Variants in CUX1 observed in about 807,000 individuals in gnomAD.
The protein encoded by CUX1 is protein CASP.
CUX1 carries 31 observed loss-of-function variants against 158.8 expected under a neutral mutation model. The ratio of observed to expected loss-of-function variants is 0.20; its 90% CI spans 0.15 to 0.26. The LOEUF is 0.26. Among genes scored for constraint, CUX1 ranks in the 10% least tolerant of loss-of-function variants. CUX1 has a pLI of 1.00. For missense variants in CUX1, 1,589 were observed against 2,014.6 expected, an observed-to-expected ratio of 0.79 and a Z score of 4.04; for synonymous variants, 879 against 862.1, an observed-to-expected ratio of 1.02 and a Z score of -0.34.
At chr7:101,845,212 C>T (rs1242888558) in intron 1 of CUX1, among the ~76,000 whole-genome samples, 1 of 152,058 alleles carries the variant, frequency 6.6e-6, no homozygotes, top group Non-Finnish European at 1.5e-5. Context: ...TCTCAAACTC[C>T]TGGGCTCAAG....
In CUX1 at chr7:102,028,988, A is replaced by ATTTTT. The variant is rs71519103; in HGVS notation, c.189+860_189+864dup. ...AGCCCATATTGGTACAGTCTTAGGGATTTTTTTTTTTTTTTTTTTTTGGCG... is the reference window on the plus strand; with the variant it reads ...AGCCCATATTGGTACAGTCTTAGGGATTTTTTTTTTTTTTTTTTTTTTTTTTGGCG... On this transcript the variant is annotated intron_variant, in intron 3 of 23. Transcript: ENST00000292535. 1.8e-4 allele frequency among the ~76,000 whole-genome samples: 20 copies of ATTTTT among 114,220 alleles called. 3 individuals are homozygous for ATTTTT. The highest frequency in any genetic ancestry group is 8.8e-4 in the East Asian group (3 of 3,412). The allele number at this position is 114,220 out of a possible 152,430, so 74.9% of individuals were successfully genotyped here.
In CUX1 at chr7:101,869,490, G is replaced by A. The variant is rs1009627902; in HGVS notation, c.31-46625G>A. ...CGCATCTCTGAGGATGGAATTTAAAGGCAAGAGCTGGAGGCCCAGGGCTGA... is the reference window on the plus strand; with the variant it reads ...CGCATCTCTGAGGATGGAATTTAAAAGCAAGAGCTGGAGGCCCAGGGCTGA... On this transcript the variant is annotated intron_variant, in intron 1 of 23. Transcript: ENST00000292535. This position sits in a 1 kb window ranked among gnomAD's most constrained non-coding sequence, Gnocchi z 4.5. 2.0e-5 allele frequency among the ~76,000 whole-genome samples: 3 copies of A among 152,162 alleles called. No homozygotes were observed. Among genetic ancestry groups the A allele is most frequent in the Non-Finnish European group, 4.4e-5 (3 of 68,030 alleles).
intron 20 of CUX1, among the ~76,000 whole-genome samples, chr7:102,225,230 C>A (rs1291861844): frequency 2.0e-5 from 3 of 152,152 alleles, no homozygotes; most frequent in African/African-American, 7.2e-5. Flanking sequence ...CCTGATTTCC[C>A]AGGTCAAGGA....
At chr7:102,060,604 AAT>A (rs1824718535) in intron 3 of CUX1, among the ~76,000 whole-genome samples, 1 of 34,586 alleles carries the variant, frequency 2.9e-5, no homozygotes, top group Non-Finnish European at 6.1e-5. Flanking sequence ...CACACACACA[AAT>A]AAACACACAC....
chr7:102,049,083 G>C (rs1009784797), intron 3 of CUX1, among the ~76,000 whole-genome samples: 1 of 152,040 alleles, frequency 6.6e-6, no homozygotes, highest in Non-Finnish European at 1.5e-5. Context: ...CTTTGGCCTT[G>C]TCCCCTGCCT....
rs1430710461 is a variant in CUX1, at chr7:101,825,776, TGTGTGTGTGTGTGTGTGTGTGTGCGC to T, written c.30+8109_30+8134del. On this transcript the variant is annotated intron_variant, in intron 1 of 23. Coordinates refer to ENST00000292535, the MANE Select transcript of CUX1 (RefSeq NM_181552.4). ...ATCTGTGTGTGTGTGTGTGTGTGTG[TGTGTGTGTGTGTGTGTGTGTGTGCGC>T]GCGCGCGCGCAGTTAGTCTTCGGGG... 1.5e-4 allele frequency among the ~76,000 whole-genome samples: 15 copies of T among 98,256 alleles called. No homozygotes were observed. The South Asian group carries it at 3.9e-3, about 25-fold the overall frequency. 64.5% of individuals were successfully genotyped at this position (98,256 alleles called of 152,430 possible).
At chr7:101,986,030 C>T (rs1366006407) in intron 2 of CUX1, among the ~76,000 whole-genome samples, 2 of 152,194 alleles carry the variant, frequency 1.3e-5, no homozygotes, top group African/African-American at 2.4e-5. Flanking sequence ...CTTCTGACTG[C>T]GGGGACCTGG....
chr7:102,181,141 G>A (rs1160067470), intron 11 of CUX1, among the ~76,000 whole-genome samples: 7 of 151,704 alleles, frequency 4.6e-5, no homozygotes, highest in African/African-American at 7.3e-5. Context: ...GGATTTCTCC[G>A]TGTTGGTCAG....
chr7:101,851,075 C>T (rs1283812967), intron 1 of CUX1, among the ~76,000 whole-genome samples: 1 of 152,160 alleles, frequency 6.6e-6, no homozygotes, highest in African/African-American at 2.4e-5. Flanking sequence ...CACCCCTGTA[C>T]TCCAGCCTGG....
intron 2 of CUX1, among the ~76,000 whole-genome samples, chr7:102,012,980 G>A (rs1248582055): frequency 5.9e-5 from 9 of 152,154 alleles, no homozygotes; most frequent in African/African-American, 2.2e-4. Flanking sequence ...CCTTGGGGGA[G>A]AAAACTTGTT....
intron 20 of CUX1, among the ~76,000 whole-genome samples, chr7:102,220,307 G>A (rs1348344453): frequency 3.9e-5 from 6 of 152,234 alleles, no homozygotes; most frequent in Non-Finnish European, 8.8e-5. Context: ...GTTGCAGTTA[G>A]CCGAGATTGC....
chr7:101,939,059 AT>A (rs1425222238), intron 2 of CUX1, among the ~76,000 whole-genome samples: 57 of 448 alleles, frequency 0.13, 1 homozygote, highest in African/African-American at 0.29. Flanking sequence ...AAAAAAATAC[AT>A]ATATATATAT....
intron 5 of CUX1, among the ~76,000 whole-genome samples, chr7:102,100,809 GA>G (rs60927683): frequency 0.63 from 93,203 of 148,848 alleles, 30,380 homozygotes; most frequent in African/African-American, 0.78. Flanking sequence ...CTTAAAAAAA[GA>G]AAAAAAAAAA....
chr7:101,991,455 T>C (rs1815113245), intron 2 of CUX1, among the ~76,000 whole-genome samples: 1 of 152,200 alleles, frequency 6.6e-6, no homozygotes, highest in African/African-American at 2.4e-5. Flanking sequence ...TGATGTCTGC[T>C]TCTTTTAAAA....
rs145114748 is a variant in CUX1, at chr7:101,943,686, AT to A, written c.141+27464del. Among the ~76,000 whole-genome samples the A allele has an allele frequency of 4.1e-3, 609 of 149,972 alleles. 2 individuals carry two copies. Among genetic ancestry groups the A allele is most frequent in the Non-Finnish European group, 6.3e-3 (422 of 67,300 alleles). On this transcript the variant is annotated intron_variant, in intron 2 of 23. Coordinates refer to ENST00000292535, the MANE Select transcript of CUX1 (RefSeq NM_181552.4). ...AATAGGATGAGTTTTGGGCTTTAAA[AT>A]TTAAAAAAAAAAAAATGGGGGCATT...
At chr7:102,220,163 C>T (rs1554526394) in intron 20 of CUX1, among the ~76,000 whole-genome samples, 1 of 152,174 alleles carries the variant, frequency 6.6e-6, no homozygotes, top group Non-Finnish European at 1.5e-5. Flanking sequence ...GAGTTCGAGA[C>T]CAGCCTGGCC....
intron 1 of CUX1, among the ~76,000 whole-genome samples, chr7:101,829,479 A>G (rs922018354): frequency 6.6e-6 from 1 of 152,182 alleles, no homozygotes; most frequent in East Asian, 1.9e-4. Flanking sequence ...ATAGGTGAGA[A>G]GCCGGGAGTT....
At chr7:102,097,794 C>G (rs947374066) in intron 5 of CUX1, among the ~76,000 whole-genome samples, 2 of 152,226 alleles carry the variant, frequency 1.3e-5, no homozygotes, top group Non-Finnish European at 2.9e-5. Context: ...TTGGGTCTGC[C>G]TCTTGAAAGG....
At chr7:102,021,236 G>T (rs1819299970) in intron 2 of CUX1, among the ~76,000 whole-genome samples, 1 of 152,090 alleles carries the variant, frequency 6.6e-6, no homozygotes, top group African/African-American at 2.4e-5. Context: ...ATGCAGTCAG[G>T]GTTATTTCCC....
Sources: allele counts gnomAD v4.1 joint callset (sites outside exome capture counted in the v4.1 genomes callset), GRCh38; gene constraint gnomAD v4.1.1; non-coding constraint Gnocchi (gnomAD v3.1); transcripts MANE v1.5; gene names NCBI Gene and HGNC (gene_info 2026-07-23, HGNC 2026-07-21).